Variants in SRC observed in about 807,000 individuals in gnomAD.
The protein encoded by SRC is proto-oncogene tyrosine-protein kinase Src.
SRC carries 13 observed loss-of-function variants against 62.9 expected under a neutral mutation model. The observed-to-expected ratio is 0.21, with a 90% CI of 0.13 to 0.33. The LOEUF is 0.33. Ranked by LOEUF, SRC falls within the 10% of genes least tolerant of loss-of-function variation. SRC has a pLI of 1.00. For synonymous variants in SRC, 302 were observed against 317.5 expected (o/e 0.95, Z 0.52); for missense variants, 457 against 737.3 (o/e 0.62, Z 4.40).
chr20:37,363,324 C>A (rs1055326368), intron 1 of SRC, among the ~76,000 whole-genome samples: 1 of 152,212 alleles, frequency 6.6e-6, no homozygotes, highest in Non-Finnish European at 1.5e-5. Flanking sequence ...CCAGCAGTGA[C>A]CCAGTTATAC....
chr20:37,359,660 G>A lies in SRC; in HGVS notation c.-246-5544G>A, dbSNP rs1334525614. Among the ~76,000 whole-genome samples the A allele has an allele frequency of 3.3e-5, 5 of 152,274 alleles. No individual in the cohort carries two copies. In the East Asian group the frequency reaches 7.7e-4, roughly 24 times the overall value. Reference sequence around the variant, plus strand: ...CAGAGTGAGAAAGGGGAAGAACAGGGGAAGAATGGAGAGAGGAGGGCGGAT... The same window carrying A: ...CAGAGTGAGAAAGGGGAAGAACAGGAGAAGAATGGAGAGAGGAGGGCGGAT... On this transcript the variant is annotated intron_variant, in intron 1 of 13. Transcript: ENST00000373578.
Position 37,397,583 on chromosome 20 carries a change from C to T in SRC, c.704-116C>T, listed in dbSNP as rs937958579. 2.2e-6 allele frequency: 3 copies of T among 1,372,522 alleles called. No homozygotes were observed. Among genetic ancestry groups the T allele is most frequent in the Non-Finnish European group, 2.9e-6 (3 of 1,047,054 alleles). 85.0% of individuals were successfully genotyped at this position (1,372,522 alleles called of 1,614,324 possible). ...ATGTAGATGCCTGGCTTTGAGGGCA[C>T]CCTGCGTGTCCCCTGAAATCTGTGT... On this transcript the variant is annotated intron_variant, in intron 8 of 13. Coordinates refer to ENST00000373578, the MANE Select transcript of SRC (RefSeq NM_198291.3). This position sits in a 1 kb window ranked among gnomAD's most constrained non-coding sequence, Gnocchi z 4.1.
chr20:37,383,113 T>C (rs974757061), intron 3 of SRC, among the ~76,000 whole-genome samples: 3 of 152,162 alleles, frequency 2.0e-5, no homozygotes, highest in African/African-American at 7.2e-5. Flanking sequence ...CCCACGACAG[T>C]AGTCACATAA....
chr20:37,353,761 C>T (rs1214382816), intron 1 of SRC, among the ~76,000 whole-genome samples: 1 of 152,214 alleles, frequency 6.6e-6, no homozygotes, highest in Admixed American at 6.5e-5. Flanking sequence ...CTCATCTGGG[C>T]TGAGCCCTTC....
At chr20:37,372,093 G>A (rs188232964) in intron 2 of SRC, among the ~76,000 whole-genome samples, 1 of 152,240 alleles carries the variant, frequency 6.6e-6, no homozygotes, top group African/African-American at 2.4e-5. Flanking sequence ...GAACTCCGGG[G>A]CTTGAGCAGT....
chr20:37,357,149 G>A (rs886909946), intron 1 of SRC, among the ~76,000 whole-genome samples: 5 of 152,218 alleles, frequency 3.3e-5, no homozygotes, highest in East Asian at 1.9e-4. Context: ...TGTGGAGGGC[G>A]GATGGAGCTT....
chr20:37,349,914 G>GT (rs2069778388), intron 1 of SRC, among the ~76,000 whole-genome samples: 1 of 152,244 alleles, frequency 6.6e-6, no homozygotes, highest in African/African-American at 2.4e-5. Flanking sequence ...TTTTCCGGTT[G>GT]TAAGTACTAA....
In SRC at chr20:37,403,582, C is replaced by T; in HGVS notation, c.*203C>T. 1.6e-6 allele frequency: 1 copy of T among 610,302 alleles called. No individual in the cohort carries two copies. The highest frequency in any genetic ancestry group is 2.9e-6 in the Non-Finnish European group (1 of 348,188). The allele number at this position is 610,302 out of a possible 1,614,324, so 37.8% of individuals were successfully genotyped here. A position where few individuals can be genotyped will look rare whatever the true frequency, so the allele number is the denominator to read the frequency against. The stretch of plus-strand genomic sequence containing the variant: ...TGAGAGGGCGGTGGGTATGCGAGAC[C>T]AGCACGGTGACTCTGTCCAGCTCCC... On this transcript the variant is annotated 3_prime_UTR_variant, in exon 14 of 14. Coordinates refer to ENST00000373578, the MANE Select transcript of SRC (RefSeq NM_198291.3). This position sits in a 1 kb window ranked among gnomAD's most constrained non-coding sequence, Gnocchi z 7.1.
chr20:37,366,590 T>A (rs1343004964), intron 2 of SRC, among the ~76,000 whole-genome samples: 2 of 152,188 alleles, frequency 1.3e-5, no homozygotes, highest in Non-Finnish European at 2.9e-5. Flanking sequence ...TTCTATAGAT[T>A]TGCCTATTCT....
In SRC at chr20:37,396,559, GCCCGCCTTTCT is replaced by G. The variant is rs1432013426; in HGVS notation, c.703+250_703+260del. 2.1e-5 allele frequency: 12 copies of G among 567,658 alleles called. No homozygotes were observed. Among genetic ancestry groups the G allele is most frequent in the African/African-American group, 5.7e-5 (3 of 53,008 alleles). The allele number at this position is 567,658 out of a possible 1,614,324, so 35.2% of individuals were successfully genotyped here. A position where few individuals can be genotyped will look rare whatever the true frequency, so the allele number is the denominator to read the frequency against. On this transcript the variant is annotated intron_variant, in intron 8 of 13. Transcript: ENST00000373578. This position sits in a 1 kb window ranked among gnomAD's most constrained non-coding sequence, Gnocchi z 6.1. ...TCCCTGCTCCACGCAGTGTCCCACT[GCCCGCCTTTCT>G]CTGCAGCTGGCTGGTATGGAGGGGG...
Position 37,386,120 on chromosome 20 carries a change from C to T in SRC, c.296C>T (p.Thr99Met), listed in dbSNP as rs1451326787. 1.2e-6 allele frequency: 2 copies of T among 1,614,208 alleles called. No individual in the cohort carries two copies. The highest frequency in any genetic ancestry group is 1.7e-6 in the Non-Finnish European group (2 of 1,180,034). ...GCCCTCTATGACTATGAGTCTAGGACGGAGACAGACCTGTCCTTCAAGAAA... is the reference window on the plus strand; with the variant it reads ...GCCCTCTATGACTATGAGTCTAGGATGGAGACAGACCTGTCCTTCAAGAAA... ...FVALYDYESRTETDLSFKKGE... is the reference protein window; with the variant it reads ...FVALYDYESRMETDLSFKKGE... The change falls in exon 5 of 14, where the codon ACG becomes ATG. Residue 99 changes from threonine (T) to methionine (M), a missense_variant. Coordinates refer to ENST00000373578, the MANE Select transcript of SRC (RefSeq NM_198291.3).
intron 5 of SRC, among the ~76,000 whole-genome samples, chr20:37,390,265 CTG>C (rs1187436456): frequency 9.2e-5 from 14 of 152,074 alleles, no homozygotes; most frequent in African/African-American, 3.4e-4. Flanking sequence ...GAGACTGGGA[CTG>C]TGCTGCTTTG....
intron 1 of SRC, among the ~76,000 whole-genome samples, chr20:37,354,686 C>A (rs2069854307): frequency 6.6e-6 from 1 of 152,194 alleles, no homozygotes; most frequent in African/African-American, 2.4e-5. Flanking sequence ...GTGCCAAGTC[C>A]TCAAGGCTGG....
chr20:37,357,764 G>T (rs556608125), intron 1 of SRC, among the ~76,000 whole-genome samples: 1 of 152,354 alleles, frequency 6.6e-6, no homozygotes, highest in South Asian at 2.1e-4. Context: ...CAAGAAACAG[G>T]TGGTCGAGCA....
intron 2 of SRC, among the ~76,000 whole-genome samples, chr20:37,368,563 T>G (rs2146969814): frequency 7.5e-6 from 1 of 134,088 alleles, no homozygotes; most frequent in Non-Finnish European, 1.6e-5. Flanking sequence ...TTTTTTGTTT[T>G]TTTTTTTGAG....
In SRC at chr20:37,404,671, A is replaced by G. The variant is rs2070797330; in HGVS notation, c.*1292A>G. On this transcript the variant is annotated 3_prime_UTR_variant, in exon 14 of 14. Coordinates refer to ENST00000373578, the MANE Select transcript of SRC (RefSeq NM_198291.3). ...CTCTCTGGGCTGCAGAGTCTGCCCC[A>G]CATGTGGCCATGGCCTCTGCAACTG... The G allele has an allele frequency of 4.3e-6, 1 of 233,668 alleles. No individual in the cohort carries two copies. Among genetic ancestry groups the G allele is most frequent in the Non-Finnish European group, 8.5e-6 (1 of 118,158 alleles). 14.5% of individuals were successfully genotyped at this position (233,668 alleles called of 1,614,324 possible).
rs1443325121 is a variant in SRC at position 37,403,417 on chromosome 20, C to G, written c.*38C>G. 1 of 1,532,460 alleles carries G rather than the reference C, an allele frequency of 6.5e-7. No individual in the cohort carries two copies. Among genetic ancestry groups the G allele is most frequent in the South Asian group, 1.2e-5 (1 of 83,814 alleles). 94.9% of individuals were successfully genotyped at this position (1,532,460 alleles called of 1,614,324 possible). ...CCAGACCGGCTTCTCGGCTTGGATC[C>G]TGGGCTGGGTGGCCCCTGTCTCGGG... On this transcript the variant is annotated 3_prime_UTR_variant, in exon 14 of 14. Transcript: ENST00000373578. This position sits in a 1 kb window ranked among gnomAD's most constrained non-coding sequence, Gnocchi z 7.1.
At chr20:37,393,858 C>T (rs1368362190) in intron 5 of SRC, 37 bp from the exon 6 acceptor site, 1 of 1,530,960 alleles carries the variant, frequency 6.5e-7, no homozygotes, top group African/African-American at 1.4e-5. Flanking sequence ...GCTGACGGCT[C>T]CCTTCTCCTT....
intron 1 of SRC, among the ~76,000 whole-genome samples, chr20:37,359,670 A>T (rs1381501639): frequency 3.9e-5 from 6 of 152,098 alleles, no homozygotes; most frequent in Non-Finnish European, 8.8e-5. Context: ...GGAAGAATGG[A>T]GAGAGGAGGG....
Sources: gnomAD v4.1 joint callset for allele counts (sites outside exome capture counted in the v4.1 genomes callset) on GRCh38, gnomAD v4.1.1 for gene constraint, Gnocchi (gnomAD v3.1) non-coding constraint, MANE v1.5 for transcripts, NCBI Gene and HGNC (gene_info 2026-07-23, HGNC 2026-07-21) for gene names.